Variants in EPM2A observed in about 807,000 individuals in gnomAD.
EPM2A encodes the protein laforin.
A neutral mutation model predicts 26.5 loss-of-function variants in EPM2A; 21 were observed. That is an observed-to-expected ratio of 0.79 (90% confidence interval 0.56 to 1.14). EPM2A has a LOEUF of 1.14. EPM2A is among the 50% of genes most tolerant of loss of function. EPM2A has a pLI of 0.00. For synonymous variants in EPM2A, 217 were observed against 177.6 expected (o/e 1.22, Z -1.76); for missense variants, 458 against 440.8 (o/e 1.04, Z -0.35).
intron 4 of EPM2A, among the ~76,000 whole-genome samples, chr6:145,432,519 A>T (rs929201327): frequency 5.9e-4 from 89 of 150,962 alleles, no homozygotes; most frequent in African/African-American, 2.1e-3. Context: ...TTTTCTGAAC[A>T]GTAGTCTCAG....
chr6:145,542,131 G>A (rs1442005172), intron 2 of EPM2A, among the ~76,000 whole-genome samples: 4 of 152,124 alleles, frequency 2.6e-5, no homozygotes, highest in Admixed American at 6.6e-5. Context: ...ATGTCTTCAC[G>A]AGCATATAGG....
chr6:145,444,657 C>G (rs1779108391), intron 4 of EPM2A, among the ~76,000 whole-genome samples: 1 of 152,020 alleles, frequency 6.6e-6, no homozygotes, highest in Non-Finnish European at 1.5e-5. Flanking sequence ...AGATTTTTTT[C>G]CAAAAAGTCC....
chr6:145,444,070 TC>T (rs1779101269), intron 4 of EPM2A, among the ~76,000 whole-genome samples: 1 of 152,198 alleles, frequency 6.6e-6, no homozygotes, highest in African/African-American at 2.4e-5. Flanking sequence ...ATCGTTTGAC[TC>T]CCTCTCTTCC....
chr6:145,414,793 CT>C (rs1778686250), intron 4 of EPM2A, among the ~76,000 whole-genome samples: 1 of 152,212 alleles, frequency 6.6e-6, no homozygotes, highest in South Asian at 2.1e-4. Context: ...CCTCACTGGA[CT>C]TCCTGCCTTT....
intron 2 of EPM2A, among the ~76,000 whole-genome samples, chr6:145,660,233 G>C (rs920929940): frequency 9.2e-5 from 14 of 152,034 alleles, no homozygotes; most frequent in African/African-American, 3.4e-4. Context: ...AATTCAGGCT[G>C]AAAAGAGATC....
intron 2 of EPM2A, among the ~76,000 whole-genome samples, chr6:145,529,991 T>C (rs1186148825): frequency 2.6e-5 from 4 of 152,204 alleles, no homozygotes; most frequent in Admixed American, 6.5e-5. Flanking sequence ...AAGAGACTCC[T>C]GAGAAGGAAA....
At chr6:145,443,254 T>C (rs2328687) in intron 4 of EPM2A, among the ~76,000 whole-genome samples, 86,731 of 152,106 alleles carry the variant, frequency 0.57, 29,164 homozygotes, top group East Asian at 0.8. Flanking sequence ...TACATTTTTC[T>C]AGTTCCGTGA....
At chr6:145,552,547 C>A (rs1352413794) in intron 2 of EPM2A, among the ~76,000 whole-genome samples, 1 of 151,938 alleles carries the variant, frequency 6.6e-6, no homozygotes, top group African/African-American at 2.4e-5. Flanking sequence ...TAATTTGCCA[C>A]TAAAAGATTA....
chr6:145,405,178 T>A (rs1207528887), intron 4 of EPM2A, among the ~76,000 whole-genome samples: 1 of 152,156 alleles, frequency 6.6e-6, no homozygotes, highest in Non-Finnish European at 1.5e-5. Context: ...CCTAAGAAGA[T>A]GTTGGACTTG....
chr6:145,671,194 TAAA>T (rs560059399), intron 2 of EPM2A: 15 of 813,442 alleles, frequency 1.8e-5, no homozygotes, highest in South Asian at 1.3e-4. Context: ...GCGAGCAAAG[TAAA>T]AAAAAAAAAA....
At chr6:145,497,855 T>C (rs1779840848), downstream of EPM2A, among the ~76,000 whole-genome samples, 1 of 152,212 alleles carries the variant, frequency 6.6e-6, no homozygotes, top group Non-Finnish European at 1.5e-5. Flanking sequence ...TACTGGGGTA[T>C]TGCTTCTGCC....
chr6:145,492,216 T>G (rs1302893938), intron 4 of EPM2A: 1 of 186,668 alleles, frequency 5.4e-6, no homozygotes, highest in African/African-American at 2.4e-5. Flanking sequence ...TGGCACCAGC[T>G]AGGTCAAACT....
intron 2 of EPM2A, among the ~76,000 whole-genome samples, chr6:145,511,563 T>TA (rs1339765486): frequency 6.6e-6 from 1 of 152,150 alleles, no homozygotes; most frequent in Non-Finnish European, 1.5e-5. Context: ...CCTTTCATGA[T>TA]AAAAACCCTT....
At chr6:145,734,838 G>A (rs1189807511) in intron 1 of EPM2A, 3 of 157,882 alleles carry the variant, frequency 1.9e-5, no homozygotes, top group African/African-American at 7.2e-5. Context: ...GGCGAAGGGA[G>A]CCCCGGGCGG....
chr6:145,489,369 A>G (rs1779725716), intron 4 of EPM2A, among the ~76,000 whole-genome samples: 1 of 152,196 alleles, frequency 6.6e-6, no homozygotes, highest in Admixed American at 6.5e-5. Flanking sequence ...ATACAGTCAT[A>G]TGCAACCTTG....
intron 4 of EPM2A, among the ~76,000 whole-genome samples, chr6:145,425,201 T>C (rs1180405665): frequency 2.0e-5 from 3 of 151,792 alleles, no homozygotes; most frequent in Non-Finnish European, 4.4e-5. Context: ...TTTGACGTAG[T>C]CTTGCTCTGC....
chr6:145,675,035 G>A (rs972599597), intron 2 of EPM2A, among the ~76,000 whole-genome samples: 1 of 152,156 alleles, frequency 6.6e-6, no homozygotes, highest in Non-Finnish European at 1.5e-5. Flanking sequence ...CAGCCAGAGA[G>A]AAAGGTCGGG....
At chr6:145,510,399 A>G (rs401888) in intron 2 of EPM2A, among the ~76,000 whole-genome samples, 68,438 of 152,000 alleles carry the variant, frequency 0.45, 15,451 homozygotes, top group South Asian at 0.58. Context: ...ATACTCTCCA[A>G]CCACAATGGA....
chr6:145,711,203 A>G (rs906140144), intron 1 of EPM2A, among the ~76,000 whole-genome samples: 10 of 152,224 alleles, frequency 6.6e-5, no homozygotes, highest in African/African-American at 2.4e-4. Context: ...TTGATTATCA[A>G]AAGCACCTGG....
Sources: gnomAD v4.1 joint callset for allele counts (sites outside exome capture counted in the v4.1 genomes callset) on GRCh38, gnomAD v4.1.1 for gene constraint, MANE v1.5 for transcripts, NCBI Gene and HGNC (gene_info 2026-07-23, HGNC 2026-07-21) for gene names.